The following MYO18B variants were observed in gnomAD, a reference collection of about 807,000 sequenced individuals.
MYO18B encodes the protein myosin XVIIIB, also known as unconventional myosin-XVIIIb.
A neutral mutation model predicts 273.0 loss-of-function variants in MYO18B; 204 were observed. The observed-to-expected ratio is 0.75, with a 90% CI of 0.67 to 0.84. The LOEUF is 0.84. Among genes scored for constraint, MYO18B ranks in the 40% least tolerant of loss-of-function variants. The probability of loss-of-function intolerance (pLI) is 0.00; values close to 1 mark genes in which losing one functional copy is unlikely to be tolerated. For missense variants in MYO18B, 3,212 were observed against 3,287.6 expected (o/e 0.98, Z 0.56); for synonymous variants, 1,330 against 1,305.7 (o/e 1.02, Z -0.40).
At chr22:25,813,170 T>G (rs2145838503) in intron 12 of MYO18B, among the ~76,000 whole-genome samples, 1 of 144,194 alleles carries the variant, frequency 6.9e-6, no homozygotes, top group East Asian at 2.1e-4. Context: ...CTCCTCTTCT[T>G]CCTCTTCTTC....
chr22:26,019,189 C>T (rs1232386312), intron 42 of MYO18B, among the ~76,000 whole-genome samples: 1 of 152,144 alleles, frequency 6.6e-6, no homozygotes, highest in Non-Finnish European at 1.5e-5. Flanking sequence ...GTAGACAGAC[C>T]AGCATGGGAG....
At chr22:25,861,498 A>C (rs1221945842) in intron 21 of MYO18B, among the ~76,000 whole-genome samples, 3 of 152,204 alleles carry the variant, frequency 2.0e-5, no homozygotes, top group Admixed American at 6.5e-5. Context: ...TAGTGTTTAC[A>C]TGATAGATCT....
intron 8 of MYO18B, among the ~76,000 whole-genome samples, chr22:25,778,120 C>G (rs2086989332): frequency 6.6e-6 from 1 of 151,980 alleles, no homozygotes; most frequent in Non-Finnish European, 1.5e-5. Flanking sequence ...AATGATGCAC[C>G]CCTGGGATGT....
At chr22:26,062,473 G>C in the MYO18B span, among the ~76,000 whole-genome samples, 1 of 152,164 alleles carries the variant, frequency 6.6e-6, no homozygotes, top group Non-Finnish European at 1.5e-5. Flanking sequence ...AGCCATAACA[G>C]AATTGACAGC....
At chr22:25,745,620 T>G (rs1334024628) in intron 1 of MYO18B, among the ~76,000 whole-genome samples, 2 of 152,202 alleles carry the variant, frequency 1.3e-5, no homozygotes, top group African/African-American at 4.8e-5. Flanking sequence ...GCTTCTTTTT[T>G]ACTGTGTTTC....
At chr22:25,917,952 A>G (rs1410745141) in intron 33 of MYO18B, among the ~76,000 whole-genome samples, 1 of 152,232 alleles carries the variant, frequency 6.6e-6, no homozygotes, top group Non-Finnish European at 1.5e-5. Flanking sequence ...CATATAAATG[A>G]AAGAAGTGAG....
At chr22:26,009,990 A>G (rs1223111263) in intron 42 of MYO18B, among the ~76,000 whole-genome samples, 10 of 152,180 alleles carry the variant, frequency 6.6e-5, no homozygotes, top group Non-Finnish European at 1.0e-4. Context: ...CATGTCCAAG[A>G]GGAAACTCAT....
intron 1 of MYO18B, among the ~76,000 whole-genome samples, chr22:25,756,945 C>T (rs2086141810): frequency 6.6e-6 from 1 of 152,158 alleles, no homozygotes; most frequent in South Asian, 2.1e-4. Flanking sequence ...CCTGTAATCC[C>T]AGCTACTCAG....
At chr22:25,916,424 TA>T (rs758865662) in intron 33 of MYO18B, among the ~76,000 whole-genome samples, 8 of 152,208 alleles carry the variant, frequency 5.3e-5, no homozygotes, top group Non-Finnish European at 1.0e-4. Flanking sequence ...TCACCTTCAA[TA>T]TTTTTTATCC....
At chr22:26,010,253 T>C (rs1464840179) in intron 42 of MYO18B, among the ~76,000 whole-genome samples, 1 of 152,152 alleles carries the variant, frequency 6.6e-6, no homozygotes, top group African/African-American at 2.4e-5. Flanking sequence ...ACCTTTCAAC[T>C]CCACCCTCCT....
At chr22:25,815,083 T>C (rs1036097391) in intron 12 of MYO18B, among the ~76,000 whole-genome samples, 1 of 152,258 alleles carries the variant, frequency 6.6e-6, no homozygotes, top group Non-Finnish European at 1.5e-5. Flanking sequence ...GATTATGTGC[T>C]TAGCACAGGC....
the MYO18B span, among the ~76,000 whole-genome samples, chr22:26,043,147 T>A: frequency 6.6e-6 from 1 of 152,230 alleles, no homozygotes; most frequent in African/African-American, 2.4e-5. Flanking sequence ...ACAAATGGGA[T>A]CATGCAAAAT....
At position 25,768,615 on chromosome 22, in the gene MYO18B, A is replaced by T; in HGVS notation, c.699A>T (p.Lys233Asn). 1 of 1,524,700 alleles carries T rather than the reference A, an allele frequency of 6.6e-7. No homozygotes were observed. Among genetic ancestry groups the T allele is most frequent in the Non-Finnish European group, 8.8e-7 (1 of 1,140,654 alleles). The allele number at this position is 1,524,700 out of a possible 1,614,324, so 94.4% of individuals were successfully genotyped here. ...GCCAAGGAACTGTGGCACTGAAAAA[A>T]GGCGAGGAGGGTCAAAGCATAGTGG... Reference protein sequence around the residue: ...DPGQGTVALKKGEEGQSIVGK... With the variant: ...DPGQGTVALKNGEEGQSIVGK... Residue 233 changes from lysine (K) to asparagine (N), a missense_variant, in exon 4 of 44, where the codon AAA (lysine) becomes AAT (asparagine). By Grantham distance (94) the Lys-to-Asn change is moderately conservative (BLOSUM62 0). Transcript: ENST00000335473.
At chr22:25,764,445 G>A (rs2086434242) in intron 3 of MYO18B, among the ~76,000 whole-genome samples, 2 of 152,304 alleles carry the variant, frequency 1.3e-5, no homozygotes, top group South Asian at 4.1e-4. Context: ...TGCAATGCTT[G>A]GGCTGAGAGG....
chr22:25,768,331 A>G lies in MYO18B; in HGVS notation c.415A>G (p.Lys139Glu). 7 of 1,613,722 alleles carry G rather than the reference A, an allele frequency of 4.3e-6. No individual in the cohort carries two copies. The highest frequency in any genetic ancestry group is 5.9e-6 in the Non-Finnish European group (7 of 1,179,762). Residue 139 changes from lysine to glutamate, a missense_variant, in exon 4 of 44, where the codon AAA becomes GAA. Physicochemically the swap from Lys to Glu is moderately conservative, Grantham distance 56. Coordinates refer to ENST00000335473, the MANE Select transcript of MYO18B (RefSeq NM_032608.7). ...QELGSSATPTKKTVPFKRGVR... is the reference protein window; with the variant it reads ...QELGSSATPTEKTVPFKRGVR... Reference sequence around the variant, plus strand: ...GCTGGGCTCCAGTGCGACACCAACCAAAAAGACTGTCCCCTTCAAGAGGGG... The same window carrying G: ...GCTGGGCTCCAGTGCGACACCAACCGAAAAGACTGTCCCCTTCAAGAGGGG...
In MYO18B at chr22:25,904,367, AC is replaced by A. The variant is rs1439619528; in HGVS notation, c.5148+537del. On this transcript the variant is annotated intron_variant, in intron 31 of 43. Transcript: ENST00000335473. ...AACCTCAGCCCTAAGCTCTCCCCAC[AC>A]ATCTCACGAATCTCCACATGAACCT... Among the ~76,000 whole-genome samples the A allele has an allele frequency of 5.9e-5, 9 of 152,222 alleles. No homozygotes were observed. In the South Asian group the frequency reaches 1.2e-3, roughly 21 times the overall value.
At chr22:25,836,156 C>T (rs2089893291) in intron 17 of MYO18B, among the ~76,000 whole-genome samples, 1 of 152,114 alleles carries the variant, frequency 6.6e-6, no homozygotes, top group Non-Finnish European at 1.5e-5. Flanking sequence ...AGGCGTGAAA[C>T]CAGAACAAAG....
In MYO18B at chr22:25,921,167, G is replaced by A. The variant is rs1297315191; in HGVS notation, c.5365-90G>A. The stretch of plus-strand genomic sequence containing the variant: ...TCACACGGTGTGAGTGGCAGAGGCA[G>A]GATTTAAACCAGGGAACCTGATTCC... On this transcript the variant is annotated intron_variant, in intron 33 of 43. Transcript: ENST00000335473. 3.5e-5 allele frequency: 47 copies of A among 1,350,102 alleles called. 1 individual carries two copies. The Admixed American group carries it at 1.1e-3, about 32-fold the overall frequency. The allele number at this position is 1,350,102 out of a possible 1,614,324, so 83.6% of individuals were successfully genotyped here.
chr22:25,910,393 C>T (rs753424748), intron 32 of MYO18B, among the ~76,000 whole-genome samples: 1 of 152,086 alleles, frequency 6.6e-6, no homozygotes, highest in Non-Finnish European at 1.5e-5. Context: ...AAAGCTCTAC[C>T]TTCATGGCCT....
Sources: allele counts gnomAD v4.1 joint callset (sites outside exome capture counted in the v4.1 genomes callset), GRCh38; gene constraint gnomAD v4.1.1; transcripts MANE v1.5; gene names NCBI Gene and HGNC (gene_info 2026-07-23, HGNC 2026-07-21).